The following DYM variants were observed in gnomAD, a reference collection of about 807,000 sequenced individuals.
The protein encoded by DYM is dyggve-Melchior-Clausen syndrome protein.
A neutral mutation model predicts 93.1 loss-of-function variants in DYM; 78 were observed. The ratio of observed to expected loss-of-function variants is 0.84; its 90% confidence interval spans 0.70 to 1.01. DYM has a LOEUF of 1.01. DYM is among the 50% of genes least tolerant of loss of function. The probability of loss-of-function intolerance (pLI) is 0.00; values close to 1 mark genes in which losing one functional copy is unlikely to be tolerated. For missense variants in DYM, 789 were observed against 845.0 expected, an observed-to-expected ratio of 0.93 and a Z score of 0.82; for synonymous variants, 321 against 319.7, an observed-to-expected ratio of 1.00 and a Z score of -0.04.
chr18:49,095,987 A>AT (rs1478371956), intron 17 of DYM, among the ~76,000 whole-genome samples: 3 of 152,108 alleles, frequency 2.0e-5, no homozygotes, highest in Non-Finnish European at 4.4e-5. Context: ...ATCTTCATAG[A>AT]TTTTTTTGTA....
intron 5 of DYM, among the ~76,000 whole-genome samples, chr18:49,370,280 GAA>G (rs35985394): frequency 0.091 from 10,945 of 120,904 alleles, 675 homozygotes; most frequent in East Asian, 0.33. Context: ...CTCCATCTCA[GAA>G]AAAAAAAAAA....
chr18:49,391,390 C>A, intron 3 of DYM: 1 of 572,494 alleles, frequency 1.7e-6, no homozygotes, highest in Non-Finnish European at 3.2e-6. Context: ...ATTACCACTA[C>A]TGCAGATATA....
chr18:49,187,891 G>A (rs1269444192), intron 14 of DYM, among the ~76,000 whole-genome samples: 1 of 152,170 alleles, frequency 6.6e-6, no homozygotes, highest in Non-Finnish European at 1.5e-5. Context: ...TTGAGAAAGT[G>A]AGTTCTGTGG....
At chr18:49,377,412 T>A (rs954906266) in intron 5 of DYM, among the ~76,000 whole-genome samples, 6 of 152,056 alleles carry the variant, frequency 3.9e-5, no homozygotes, top group Non-Finnish European at 8.8e-5. Flanking sequence ...ATACAAAAAT[T>A]AGCTGGGCTT....
intron 8 of DYM, among the ~76,000 whole-genome samples, chr18:49,317,598 C>CTCTCT (rs1568236213): frequency 9.5e-5 from 2 of 20,980 alleles, no homozygotes; most frequent in Non-Finnish European, 1.6e-4. Flanking sequence ...TCTCTCTCTC[C>CTCTCT]CCCCTCCCCC....
intron 16 of DYM, among the ~76,000 whole-genome samples, chr18:49,100,840 G>A (rs1374023440): frequency 6.6e-6 from 1 of 152,212 alleles, no homozygotes; most frequent in Non-Finnish European, 1.5e-5. Flanking sequence ...AGTGGGAGGA[G>A]TAGGACTCCA....
chr18:49,157,882 T>C (rs1470691393), intron 15 of DYM, among the ~76,000 whole-genome samples: 2 of 152,242 alleles, frequency 1.3e-5, no homozygotes, highest in Non-Finnish European at 2.9e-5. Flanking sequence ...AAAAGTTGTA[T>C]AATGTTGGCT....
chr18:49,142,095 T>C (rs1329780966), intron 15 of DYM, among the ~76,000 whole-genome samples: 1 of 151,728 alleles, frequency 6.6e-6, no homozygotes, highest in Admixed American at 6.6e-5. Context: ...TCTCCTGACC[T>C]TGTGATCCGC....
rs145687102 is a variant in DYM, at chr18:49,378,806, A to G, written c.288-106T>C. 3.8e-4 allele frequency: 417 copies of G among 1,105,140 alleles called. 2 individuals carry two copies. In the African/African-American group the frequency reaches 5.4e-3, roughly 14 times the overall value. The allele number at this position is 1,105,140 out of a possible 1,614,324, so 68.5% of individuals were successfully genotyped here. ...ATTTGACAACCGTTTTGTCCATCCT[A>G]TTGGTAATATTAGGATAATGTCCAT... On this transcript the variant is annotated intron_variant, in intron 4 of 17. Transcript: ENST00000675505.
intron 5 of DYM, among the ~76,000 whole-genome samples, chr18:49,369,514 C>A (rs989417203): frequency 6.6e-6 from 1 of 152,198 alleles, no homozygotes; most frequent in Non-Finnish European, 1.5e-5. Flanking sequence ...AGTTCTCCAA[C>A]CTTGAAGCCA....
chr18:49,333,901 C>A, intron 6 of DYM, 48 bp from the exon 7 acceptor site: 2 of 1,553,518 alleles, frequency 1.3e-6, no homozygotes, highest in South Asian at 2.2e-5. Flanking sequence ...AAGATTAAGA[C>A]ACTATTCTTT....
chr18:49,355,629 C>T (rs1473661166), intron 6 of DYM, among the ~76,000 whole-genome samples: 1 of 152,104 alleles, frequency 6.6e-6, no homozygotes. Context: ...CAAATGTATT[C>T]CTCTGCTGAG....
At chr18:49,313,412 A>C (rs763575955) in intron 8 of DYM, among the ~76,000 whole-genome samples, 32 of 134,960 alleles carry the variant, frequency 2.4e-4, no homozygotes, top group Non-Finnish European at 3.7e-4. Flanking sequence ...CCAGTTAGCC[A>C]AGGTCGCACC....
At chr18:49,232,202 CTT>C (rs1217722139) in intron 13 of DYM, among the ~76,000 whole-genome samples, 1 of 152,130 alleles carries the variant, frequency 6.6e-6, no homozygotes, top group East Asian at 1.9e-4. Flanking sequence ...GCTCCCCCCA[CTT>C]TCCATATTCA....
At chr18:49,401,285 G>T (rs1373594913) in intron 2 of DYM, among the ~76,000 whole-genome samples, 1 of 152,096 alleles carries the variant, frequency 6.6e-6, no homozygotes, top group Non-Finnish European at 1.5e-5. Context: ...CAATGACCAG[G>T]TGTGACTCTC....
At chr18:49,432,434 C>G (rs183089392) in intron 1 of DYM, among the ~76,000 whole-genome samples, 1 of 148,618 alleles carries the variant, frequency 6.7e-6, no homozygotes, top group Non-Finnish European at 1.5e-5. Context: ...ACATAATACA[C>G]TAGTGAAAAT....
At chr18:49,451,134 T>C (rs1257451737) in intron 1 of DYM, among the ~76,000 whole-genome samples, 1 of 152,220 alleles carries the variant, frequency 6.6e-6, no homozygotes, top group Non-Finnish European at 1.5e-5. Context: ...GAAACTTATT[T>C]TGAACTATTT....
At chr18:49,230,151 T>G (rs1598781964) in intron 13 of DYM, among the ~76,000 whole-genome samples, 1 of 152,178 alleles carries the variant, frequency 6.6e-6, no homozygotes, top group African/African-American at 2.4e-5. Context: ...TATGTGTTTG[T>G]CAACTCAAAG....
intron 13 of DYM, among the ~76,000 whole-genome samples, chr18:49,224,198 G>A (rs2093453747): frequency 6.6e-6 from 1 of 152,090 alleles, no homozygotes; most frequent in African/African-American, 2.4e-5. Flanking sequence ...AAATGGTGGT[G>A]TCATTCAATG....
Sources: gnomAD v4.1 joint callset for allele counts (sites outside exome capture counted in the v4.1 genomes callset) on GRCh38, gnomAD v4.1.1 for gene constraint, MANE v1.5 for transcripts, NCBI Gene and HGNC (gene_info 2026-07-23, HGNC 2026-07-21) for gene names.